The following CEP290 variants were observed in gnomAD, a reference collection of about 807,000 sequenced individuals.
The protein encoded by CEP290 is centrosomal protein of 290 kDa.
CEP290 carries 317 observed loss-of-function variants against 344.9 expected under a neutral mutation model. The ratio of observed to expected loss-of-function variants is 0.92; its 90% CI spans 0.84 to 1.01. The LOEUF is 1.01. Ranked by LOEUF, CEP290 falls within the 50% of genes least tolerant of loss-of-function variation. The pLI is 0.00. For synonymous variants in CEP290, 932 were observed against 895.8 expected (o/e 1.04, Z -0.72); for missense variants, 2,754 against 2,761.4 (o/e 1.00, Z 0.06).
Position 88,062,677 on chromosome 12 carries a change from T to C in CEP290, c.6357+15A>G. 1 of 1,569,596 alleles carries C rather than the reference T, an allele frequency of 6.4e-7. No individual in the cohort carries two copies. The highest frequency in any genetic ancestry group is 8.7e-7 in the Non-Finnish European group (1 of 1,145,522). On this transcript the variant is annotated intron_variant, in intron 46 of 53. Coordinates refer to ENST00000552810, the MANE Select transcript of CEP290 (RefSeq NM_025114.4). ...TGCTGAAACCAAAACAAATGTATGG[T>C]AAATTCTCACATACCCCTCTAACAT...
chr12:88,059,017 T>C lies in CEP290; in HGVS notation c.6649A>G (p.Thr2217Ala). The C allele has an allele frequency of 1.2e-6, 2 of 1,605,808 alleles. No homozygotes were observed. The highest frequency in any genetic ancestry group is 1.7e-6 in the Non-Finnish European group (2 of 1,175,598). The change falls in exon 49 of 54, where the codon ACT becomes GCT. Residue 2217 changes from threonine to alanine, a missense_variant. Thr to Ala is a moderately conservative substitution (Grantham distance 58). Coordinates refer to ENST00000552810, the MANE Select transcript of CEP290 (RefSeq NM_025114.4). ...ERLRKELKKETDAAEKLRIAK... is the reference protein window; with the variant it reads ...ERLRKELKKEADAAEKLRIAK... ...ATCCGTAATTTCTCTGCAGCATCAG[T>C]TTCCTATCATTAAATGCTAATTAGT...
chr12:88,077,235 G>A lies in CEP290; in HGVS notation c.5696C>T (p.Pro1899Leu). The A allele has an allele frequency of 1.2e-6, 2 of 1,601,968 alleles. No individual in the cohort carries two copies. The highest frequency in any genetic ancestry group is 1.7e-6 in the Non-Finnish European group (2 of 1,176,084). The change falls in exon 41 of 54, where the codon CCT (proline) becomes CTT (leucine). Residue 1899 changes from proline (P) to leucine (L), a missense_variant. Pro to Leu is a moderately conservative substitution (Grantham distance 98). Coordinates refer to ENST00000552810, the MANE Select transcript of CEP290 (RefSeq NM_025114.4). The stretch of plus-strand genomic sequence containing the variant: ...TTCTTCACATACCTTTTCTTTCATA[G>A]GTTTTAGGTCTACTTCCTCCACCTT... ...EGKVEEVDLK[P>L]MKEKNAKEEL...
At chr12:88,086,702 T>C (rs892812138) in intron 32 of CEP290, among the ~76,000 whole-genome samples, 5 of 146,508 alleles carry the variant, frequency 3.4e-5, no homozygotes, top group African/African-American at 1.3e-4. Context: ...AGGATTTCAG[T>C]CTATCCATCC....
chr12:88,134,315 T>C (rs1411634171), intron 6 of CEP290, among the ~76,000 whole-genome samples: 1 of 152,218 alleles, frequency 6.6e-6, no homozygotes, highest in Non-Finnish European at 1.5e-5. Context: ...TTACATCTAC[T>C]TCTCTCACAC....
At chr12:88,139,330 C>T (rs2040509767) in intron 4 of CEP290, 139 bp from the exon 5 acceptor site, 1 of 494,734 alleles carries the variant, frequency 2.0e-6, no homozygotes, top group Non-Finnish European at 3.3e-6. Flanking sequence ...TATTATATGG[C>T]AGATCCATAA....
chr12:88,063,085 CA>C (rs1376563933), intron 45 of CEP290, among the ~76,000 whole-genome samples: 1 of 144,568 alleles, frequency 6.9e-6, no homozygotes, highest in Admixed American at 6.9e-5. Context: ...CAGCAAAAGG[CA>C]AATGAACGTC....
Position 88,062,680 on chromosome 12 carries a change from A to C in CEP290, c.6357+12T>G. The C allele has an allele frequency of 6.3e-7, 1 of 1,576,656 alleles. No homozygotes were observed. The highest frequency in any genetic ancestry group is 8.7e-7 in the Non-Finnish European group (1 of 1,151,516). On this transcript the variant is annotated intron_variant, in intron 46 of 53. Coordinates refer to ENST00000552810, the MANE Select transcript of CEP290 (RefSeq NM_025114.4). ...TGAAACCAAAACAAATGTATGGTAAATTCTCACATACCCCTCTAACATGGC... is the reference window on the plus strand; with the variant it reads ...TGAAACCAAAACAAATGTATGGTAACTTCTCACATACCCCTCTAACATGGC...
At chr12:88,061,232 A>G (rs1313124408) in intron 46 of CEP290, among the ~76,000 whole-genome samples, 1 of 152,206 alleles carries the variant, frequency 6.6e-6, no homozygotes, top group Non-Finnish European at 1.5e-5. Context: ...CTAATAAGTA[A>G]CAGCTTAAAT....
chr12:88,137,942 C>A (rs2040434085), intron 5 of CEP290, among the ~76,000 whole-genome samples: 3 of 152,192 alleles, frequency 2.0e-5, no homozygotes. Context: ...CACCAACCTT[C>A]CAGTAACTCC....
Position 88,080,177 on chromosome 12 carries a change from C to G in CEP290, c.5226+5G>C. ...AAATGTTGATAATTTTCTGTTGTTA[C>G]TTACTTTCTGTTGTTTCTCCTTCAA... On this transcript the variant is annotated splice_donor_5th_base_variant and intron_variant, in intron 38 of 53. Transcript: ENST00000552810. 6.4e-7 allele frequency: 1 copy of G among 1,573,454 alleles called. No individual in the cohort carries two copies. The highest frequency in any genetic ancestry group is 8.7e-7 in the Non-Finnish European group (1 of 1,155,446).
intron 6 of CEP290, chr12:88,135,721 A>C (rs1341255735): frequency 6.6e-6 from 1 of 152,142 alleles, no homozygotes; most frequent in African/African-American, 2.4e-5. Flanking sequence ...GTTTTCTTAA[A>C]ATGTATGACC....
At chr12:88,117,292 T>C (rs1258133808) in intron 17 of CEP290, 147 bp from the exon 18 acceptor site, 8 of 541,718 alleles carry the variant, frequency 1.5e-5, no homozygotes, top group Non-Finnish European at 2.3e-5. Flanking sequence ...ACATAGCCAA[T>C]ACAAGCTTCT....
In CEP290 at chr12:88,049,241, A is replaced by C. The variant is rs903963057; in HGVS notation, c.7383T>G (p.Ala2461=). 5 of 1,609,004 alleles carry C rather than the reference A, an allele frequency of 3.1e-6. No individual in the cohort carries two copies. The highest frequency in any genetic ancestry group is 4.2e-6 in the Non-Finnish European group (5 of 1,178,632). ...QLGVELTSPV[A]ASEEFEDEEE... ...CTTCATCTTCAAACTCTTCAGAAGC[A>C]GCAACAGGGCTAGTTAATTCAACTC... Residue 2461 remains alanine (A), a synonymous_variant, in exon 54 of 54, where the codon GCT becomes GCG. Coordinates refer to ENST00000552810, the MANE Select transcript of CEP290 (RefSeq NM_025114.4).
chr12:88,131,356 C>T (rs1046942084), intron 6 of CEP290, 138 bp from the exon 7 acceptor site: 37 of 549,638 alleles, frequency 6.7e-5, no homozygotes, highest in Admixed American at 8.2e-5. Context: ...CTCTGCCTCC[C>T]GGTTCAAGCA....
At chr12:88,085,464 T>C (rs2036509706) in intron 34 of CEP290, among the ~76,000 whole-genome samples, 2 of 152,070 alleles carry the variant, frequency 1.3e-5, no homozygotes, top group Non-Finnish European at 2.9e-5. Context: ...AAATGTACAG[T>C]TTTACTTGAA....
At position 88,086,399 on chromosome 12, in the gene CEP290, C is replaced by T. The variant is rs747949998; in HGVS notation, c.4294G>A (p.Ala1432Thr). ...DRQQNEILNA[A>T]QKFEEATGSI... ...AGATTAATCATTCATACCTTTTGTG[C>T]CGCATTTAGTATTTCATTTTGCTGA... is the stretch of plus-strand genomic sequence containing the variant. The change falls in exon 33 of 54, where the codon GCA becomes ACA. Residue 1432 changes from alanine to threonine, a missense_variant. Ala to Thr is a moderately conservative substitution (Grantham distance 58, BLOSUM62 0). Coordinates refer to ENST00000552810, the MANE Select transcript of CEP290 (RefSeq NM_025114.4). 5.1e-6 allele frequency: 8 copies of T among 1,582,786 alleles called. No homozygotes were observed. In the East Asian group the frequency reaches 1.4e-4, roughly 27 times the overall value.
intron 26 of CEP290, among the ~76,000 whole-genome samples, chr12:88,101,137 T>TA (rs1352965979): frequency 6.6e-6 from 1 of 151,768 alleles, no homozygotes; most frequent in Non-Finnish European, 1.5e-5. Flanking sequence ...ATAAAGATAA[T>TA]AAAAAATAAA....
At chr12:88,050,604 C>T (rs2033405948) in intron 52 of CEP290, among the ~76,000 whole-genome samples, 171 bp from the exon 53 acceptor site, 1 of 152,118 alleles carries the variant, frequency 6.6e-6, no homozygotes, top group Admixed American at 6.5e-5. Context: ...TGCTGCCTCC[C>T]TCCATCAAGT....
Position 88,071,783 on chromosome 12 carries a change from G to C in CEP290, c.5853C>G (p.Ala1951=), listed in dbSNP as rs2136962808. The change falls in exon 42 of 54, where the codon GCC becomes GCG. Residue 1951 remains alanine (A), a splice_region_variant and synonymous_variant. Coordinates refer to ENST00000552810, the MANE Select transcript of CEP290 (RefSeq NM_025114.4). ...KQLNTLKDLF[A]KADKEKLTLQ... ...TTTATAATGATATTTAAACTCACTTGGCAAAAAGATCCTTCAAAGTATTCA... is the reference window on the plus strand; with the variant it reads ...TTTATAATGATATTTAAACTCACTTCGCAAAAAGATCCTTCAAAGTATTCA... 6.3e-7 allele frequency: 1 copy of C among 1,586,696 alleles called. No individual in the cohort carries two copies. Among genetic ancestry groups the C allele is most frequent in the Admixed American group, 1.9e-5 (1 of 54,018 alleles).
Sources: gnomAD v4.1 joint callset for allele counts (sites outside exome capture counted in the v4.1 genomes callset) on GRCh38, gnomAD v4.1.1 for gene constraint, MANE v1.5 for transcripts, NCBI Gene and HGNC (gene_info 2026-07-23, HGNC 2026-07-21) for gene names.